MDGA2: variants seen among roughly 807,000 people sequenced by gnomAD.
MDGA2 encodes MAM domain containing glycosylphosphatidylinositol anchor 2.
Under a neutral mutation model 117.8 loss-of-function variants are expected in MDGA2, and 40 were observed. That is an observed-to-expected ratio of 0.34 (90% CI 0.26 to 0.44). The LOEUF (loss-of-function observed/expected upper bound fraction) is 0.44. MDGA2 is among the 20% of genes least tolerant of loss of function. The pLI is 1.00. For missense variants in MDGA2, 1,123 were observed against 1,250.6 expected (o/e 0.90, Z 1.54); for synonymous variants, 452 against 439.0 (o/e 1.03, Z -0.37).
intron 1 of MDGA2, among the ~76,000 whole-genome samples, chr14:47,558,811 A>C (rs1566514313): frequency 6.6e-6 from 1 of 152,208 alleles, no homozygotes; most frequent in Non-Finnish European, 1.5e-5. Context: ...ATGATGAGAA[A>C]TGATTATTTT....
At chr14:47,350,426 G>A in intron 1 of MDGA2, among the ~76,000 whole-genome samples, 1 of 152,210 alleles carries the variant, frequency 6.6e-6, no homozygotes, top group Non-Finnish European at 1.5e-5. Flanking sequence ...AGGACTCTAA[G>A]TGGGAGCCAA....
At chr14:47,217,997 T>TA (rs770752524) in intron 3 of MDGA2, 24 bp downstream of exon 3, 1 of 1,489,930 alleles carries the variant, frequency 6.7e-7, no homozygotes. Context: ...GGCTTAATTA[T>TA]AGTTTTCTGG....
intron 10 of MDGA2, among the ~76,000 whole-genome samples, chr14:46,886,588 A>T (rs895974763): frequency 6.6e-6 from 1 of 151,864 alleles, no homozygotes; most frequent in Admixed American, 6.6e-5. Flanking sequence ...CAACTCTACC[A>T]GGTGATTTTT....
At chr14:47,555,563 G>A (rs961080939) in intron 1 of MDGA2, among the ~76,000 whole-genome samples, 1 of 152,200 alleles carries the variant, frequency 6.6e-6, no homozygotes, top group African/African-American at 2.4e-5. Flanking sequence ...GACTCAAGAG[G>A]CAGGAATGTA....
intron 1 of MDGA2, among the ~76,000 whole-genome samples, chr14:47,518,168 T>C (rs1224537556): frequency 1.3e-5 from 2 of 152,156 alleles, no homozygotes; most frequent in Non-Finnish European, 2.9e-5. Context: ...AACTGACTGA[T>C]GGTACTCTAG....
chr14:47,527,805 G>A (rs1044496302), intron 1 of MDGA2, among the ~76,000 whole-genome samples: 1 of 152,080 alleles, frequency 6.6e-6, no homozygotes, highest in African/African-American at 2.4e-5. Flanking sequence ...GAGGTTAAGC[G>A]GAAATGAGAA....
intron 8 of MDGA2, chr14:46,960,558 G>A (rs1001989074): frequency 3.9e-5 from 6 of 151,932 alleles, no homozygotes; most frequent in African/African-American, 1.5e-4. Context: ...TTAGCCACTC[G>A]TAAGCAGGCA....
At chr14:46,949,033 T>C (rs535831460) in intron 9 of MDGA2, among the ~76,000 whole-genome samples, 6 of 152,196 alleles carry the variant, frequency 3.9e-5, no homozygotes, top group African/African-American at 1.2e-4. Flanking sequence ...TTTTCTATGA[T>C]CATACTGCTT....
At chr14:46,864,545 G>GTTTTTTTTTTTTTTTTT (rs71112467) in intron 14 of MDGA2, among the ~76,000 whole-genome samples, 9 of 51,480 alleles carry the variant, frequency 1.7e-4, no homozygotes, top group Admixed American at 7.6e-4. Flanking sequence ...AGATATTGCT[G>GTTTTTTTTTTTTTTTTT]TTTTTTTTTT....
chr14:47,082,997 G>T (rs190279488), intron 6 of MDGA2, among the ~76,000 whole-genome samples: 30 of 151,990 alleles, frequency 2.0e-4, no homozygotes, highest in Non-Finnish European at 3.7e-4. Context: ...TGGTGAACAA[G>T]AAGATGGAAC....
chr14:47,221,142 TAAG>T (rs10554756), intron 2 of MDGA2, among the ~76,000 whole-genome samples: 33,034 of 151,832 alleles, frequency 0.22, 4,039 homozygotes, highest in East Asian at 0.33. Flanking sequence ...GGACATAGAA[TAAG>T]AAGATTTGTA....
At chr14:47,173,564 A>G (rs532158209) in intron 3 of MDGA2, among the ~76,000 whole-genome samples, 1 of 152,294 alleles carries the variant, frequency 6.6e-6, no homozygotes, top group East Asian at 1.9e-4. Context: ...TCATAAGTGA[A>G]GGAGAAATAA....
intron 1 of MDGA2, among the ~76,000 whole-genome samples, chr14:47,310,926 G>T (rs1007241511): frequency 1.3e-4 from 20 of 152,188 alleles, no homozygotes; most frequent in Middle Eastern, 3.4e-3. Flanking sequence ...TAAAATCTTT[G>T]ATCAGGTCTT....
chr14:47,061,602 G>A (rs939981386), intron 6 of MDGA2, 24 bp from the exon 7 acceptor site: 2 of 1,568,598 alleles, frequency 1.3e-6, no homozygotes, highest in African/African-American at 2.7e-5. Context: ...ATTCCATAAG[G>A]AGTTAGTGTT....
intron 1 of MDGA2, among the ~76,000 whole-genome samples, chr14:47,394,735 A>G (rs7159880): frequency 0.72 from 109,663 of 152,054 alleles, 39,834 homozygotes; most frequent in Middle Eastern, 0.82. Context: ...ATGATTAAAC[A>G]TAAAGTGTCA....
At position 47,540,563 on chromosome 14, in the gene MDGA2, T is replaced by TATATATATATATATATATATATACAC. The variant is rs370481455; in HGVS notation, c.280+133953_280+133954insGTGTATATATATATATATATATATAT. On this transcript the variant is annotated intron_variant, in intron 1 of 16. Transcript: ENST00000399232. ...GTGTATATATATATATGTATATATA[T>TATATATATATATATATATATATACAC]ACACACACACATAGAGAGAGAGACA... 1.2e-3 allele frequency among the ~76,000 whole-genome samples: 133 copies of TATATATATATATATATATATATACAC among 112,308 alleles called. 6 individuals are homozygous for TATATATATATATATATATATATACAC. Among genetic ancestry groups the TATATATATATATATATATATATACAC allele is most frequent in the South Asian group, 3.3e-3 (7 of 2,128 alleles). The allele number at this position is 112,308 out of a possible 152,430, so 73.7% of individuals were successfully genotyped here.
intron 1 of MDGA2, among the ~76,000 whole-genome samples, chr14:47,593,892 A>G (rs1287917349): frequency 6.6e-6 from 1 of 152,128 alleles, no homozygotes; most frequent in Non-Finnish European, 1.5e-5. Context: ...AAATAAAATA[A>G]CATAAAATAC....
chr14:47,351,491 G>A (rs992501174), intron 1 of MDGA2, among the ~76,000 whole-genome samples: 31 of 151,824 alleles, frequency 2.0e-4, no homozygotes, highest in African/African-American at 7.3e-4. Context: ...TAAACTCAAG[G>A]GCCAGGATTC....
chr14:47,469,583 T>C (rs1027019737), intron 1 of MDGA2, among the ~76,000 whole-genome samples: 2 of 152,114 alleles, frequency 1.3e-5, no homozygotes, highest in African/African-American at 4.8e-5. Flanking sequence ...TTCCAAGTCT[T>C]TGCTATTGTG....
Sources: gnomAD v4.1 joint callset for allele counts (sites outside exome capture counted in the v4.1 genomes callset) on GRCh38, gnomAD v4.1.1 for gene constraint, MANE v1.5 for transcripts, NCBI Gene and HGNC (gene_info 2026-07-23, HGNC 2026-07-21) for gene names.